CAMTA1: variants seen among roughly 807,000 people sequenced by gnomAD.
The protein encoded by CAMTA1 is calmodulin-binding transcription activator 1.
CAMTA1 carries 27 observed loss-of-function variants against 170.9 expected under a neutral mutation model. That is an observed-to-expected ratio of 0.16 (90% CI 0.12 to 0.22). The LOEUF (loss-of-function observed/expected upper bound fraction) is 0.22, where lower values mean the gene tolerates loss of function less well. Ranked by LOEUF, CAMTA1 falls within the 10% of genes least tolerant of loss-of-function variation. The pLI is 1.00. For synonymous variants in CAMTA1, 833 were observed against 891.5 expected (o/e 0.93, Z 1.17); for missense variants, 1,619 against 2,217.2 (o/e 0.73, Z 5.42).
At chr1:7,556,010 C>T (rs1275221129) in intron 6 of CAMTA1, among the ~76,000 whole-genome samples, 2 of 152,190 alleles carry the variant, frequency 1.3e-5, no homozygotes, top group East Asian at 1.9e-4. Flanking sequence ...GGGCAGGCCA[C>T]GTCACACAGG....
chr1:7,469,226 C>G (rs1256555869), intron 6 of CAMTA1, among the ~76,000 whole-genome samples: 1 of 152,084 alleles, frequency 6.6e-6, no homozygotes, highest in Non-Finnish European at 1.5e-5. Flanking sequence ...CGTGCTAGCA[C>G]CTGCTTTTCT....
rs996049975 is a variant in CAMTA1 at position 7,337,514 on chromosome 1, G to C, written c.438+87888G>C. On this transcript the variant is annotated intron_variant, in intron 5 of 22. Transcript: ENST00000303635. ...CATCCAATCACAGTGTGGGCCGTGG[G>C]CTCATCCAATCACAGTGTGGGCCGT... 2.8e-5 allele frequency among the ~76,000 whole-genome samples: 4 copies of C among 144,464 alleles called. 1 individual carries two copies. The highest frequency in any genetic ancestry group is 5.3e-5 in the African/African-American group (2 of 37,470). 94.8% of individuals were successfully genotyped at this position (144,464 alleles called of 152,430 possible).
intron 6 of CAMTA1, among the ~76,000 whole-genome samples, chr1:7,594,049 AAG>A (rs1179530101): frequency 6.8e-6 from 1 of 146,902 alleles, no homozygotes; most frequent in Non-Finnish European, 1.5e-5. Flanking sequence ...TAAAACAAAA[AAG>A]AGAAAGAGAG....
intron 3 of CAMTA1, among the ~76,000 whole-genome samples, chr1:6,842,983 G>A (rs1200470688): frequency 6.6e-6 from 1 of 152,084 alleles, no homozygotes; most frequent in South Asian, 2.1e-4. Flanking sequence ...TAATAGGCAA[G>A]TGGTCATTAT....
At chr1:7,504,525 C>T (rs1431252488) in intron 6 of CAMTA1, among the ~76,000 whole-genome samples, 1 of 152,242 alleles carries the variant, frequency 6.6e-6, no homozygotes, top group Non-Finnish European at 1.5e-5. Context: ...CTCAGAGCTG[C>T]CTGGTCTTTC....
chr1:6,844,741 A>G (rs1657355043), intron 3 of CAMTA1, among the ~76,000 whole-genome samples: 2 of 150,414 alleles, frequency 1.3e-5, no homozygotes, highest in Non-Finnish European at 3.0e-5. Flanking sequence ...TATGGTGTAG[A>G]GTAGATTATT....
intron 3 of CAMTA1, among the ~76,000 whole-genome samples, chr1:6,856,238 G>A (rs2148853247): frequency 6.6e-6 from 1 of 151,920 alleles, no homozygotes; most frequent in South Asian, 2.1e-4. Context: ...GAGCAATCTG[G>A]AAGGCTGTAT....
chr1:7,470,843 C>T (rs941108103), intron 6 of CAMTA1, among the ~76,000 whole-genome samples: 36 of 152,224 alleles, frequency 2.4e-4, no homozygotes, highest in Admixed American at 1.3e-3. Context: ...CCCAAGGCCA[C>T]TTAGCACTTA....
chr1:6,796,047 T>A (rs1463619809), intron 1 of CAMTA1, among the ~76,000 whole-genome samples: 1 of 152,158 alleles, frequency 6.6e-6, no homozygotes, highest in Non-Finnish European at 1.5e-5. Flanking sequence ...TTGAACTGTG[T>A]TGTGAACATA....
chr1:7,218,174 T>TG (rs1204070870), intron 4 of CAMTA1, among the ~76,000 whole-genome samples: 1 of 152,242 alleles, frequency 6.6e-6, no homozygotes, highest in Non-Finnish European at 1.5e-5. Flanking sequence ...CTGTCTCTGT[T>TG]GCCCTTATAG....
chr1:7,649,014 G>C (rs983205806), intron 7 of CAMTA1, among the ~76,000 whole-genome samples: 16 of 152,358 alleles, frequency 1.1e-4, no homozygotes, highest in African/African-American at 3.6e-4. Context: ...ACGGAGCTTA[G>C]TGTAGCCACA....
At chr1:7,233,584 T>G (rs1026704898) in intron 4 of CAMTA1, among the ~76,000 whole-genome samples, 2 of 152,220 alleles carry the variant, frequency 1.3e-5, no homozygotes, top group African/African-American at 4.8e-5. Flanking sequence ...GCTCATTTGA[T>G]GAGGACTTAT....
intron 5 of CAMTA1, among the ~76,000 whole-genome samples, chr1:7,317,839 AAAT>A (rs1310484914): frequency 3.5e-4 from 54 of 152,368 alleles, no homozygotes; most frequent in African/African-American, 1.2e-3. Flanking sequence ...TGGTTAAAAA[AAAT>A]AATAATTGTA....
chr1:7,012,746 C>G (rs1699988036), intron 3 of CAMTA1, among the ~76,000 whole-genome samples: 1 of 152,204 alleles, frequency 6.6e-6, no homozygotes, highest in South Asian at 2.1e-4. Context: ...TCAGTTTCCC[C>G]CCACTCTGAA....
chr1:7,442,675 A>G (rs1166344786), intron 5 of CAMTA1, among the ~76,000 whole-genome samples: 1 of 152,166 alleles, frequency 6.6e-6, no homozygotes, highest in Non-Finnish European at 1.5e-5. Context: ...TCAATCTCCC[A>G]GAGCCTCCAT....
At chr1:7,217,442 A>T (rs1441209801) in intron 4 of CAMTA1, among the ~76,000 whole-genome samples, 1 of 152,164 alleles carries the variant, frequency 6.6e-6, no homozygotes, top group South Asian at 2.1e-4. Flanking sequence ...TATATATAAC[A>T]TATAGTTGGA....
At position 7,449,425 on chromosome 1, in the gene CAMTA1, C is replaced by T. The variant is rs546929062; in HGVS notation, c.439-18405C>T. Among the ~76,000 whole-genome samples, 3 of 152,246 alleles carry T rather than the reference C, an allele frequency of 2.0e-5. No homozygotes were observed. In the East Asian group the frequency reaches 5.8e-4, roughly 29 times the overall value. ...CTGGCAGCGTGTGGGATCCAGGAGT[C>T]AGAGCCCTCTGACCTCGTCTTTTCC... On this transcript the variant is annotated intron_variant, in intron 5 of 22. Transcript: ENST00000303635.
intron 3 of CAMTA1, among the ~76,000 whole-genome samples, chr1:6,910,141 C>T (rs1386722897): frequency 1.3e-5 from 2 of 152,240 alleles, no homozygotes; most frequent in Non-Finnish European, 2.9e-5. Context: ...TTGGAGTTGA[C>T]ATGCTAAGGC....
intron 1 of CAMTA1, among the ~76,000 whole-genome samples, chr1:6,816,100 G>T (rs543395856): frequency 2.6e-5 from 4 of 152,276 alleles, no homozygotes; most frequent in South Asian, 4.1e-4. Context: ...GAGTTTTGGA[G>T]ATTTCACTAG....
Sources: gnomAD v4.1 joint callset for allele counts (sites outside exome capture counted in the v4.1 genomes callset) on GRCh38, gnomAD v4.1.1 for gene constraint, MANE v1.5 for transcripts, NCBI Gene and HGNC (gene_info 2026-07-23, HGNC 2026-07-21) for gene names.